AP1B1: variants seen among roughly 807,000 people sequenced by gnomAD.
The protein encoded by AP1B1 is AP-1 complex subunit beta-1.
A neutral mutation model predicts 104.3 loss-of-function variants in AP1B1; 36 were observed. That is an observed-to-expected ratio of 0.35 (90% CI 0.26 to 0.46). The LOEUF (loss-of-function observed/expected upper bound fraction) is 0.46. Among genes scored for constraint, AP1B1 ranks in the 20% least tolerant of loss-of-function variants. The pLI, the probability that AP1B1 is intolerant of heterozygous loss-of-function variation, is 1.00. For missense variants in AP1B1, 901 were observed against 1,247.9 expected (o/e 0.72, Z 4.19); for synonymous variants, 504 against 517.5 (o/e 0.97, Z 0.35).
chr22:29,345,994 T>C (rs1467975479), intron 11 of AP1B1, among the ~76,000 whole-genome samples: 1 of 152,230 alleles, frequency 6.6e-6, no homozygotes, highest in African/African-American at 2.4e-5. Context: ...CTAACAAGTA[T>C]TCTTAAAAGA....
chr22:29,377,592 T>C (rs1268754604), intron 1 of AP1B1, among the ~76,000 whole-genome samples: 5 of 151,994 alleles, frequency 3.3e-5, no homozygotes, highest in African/African-American at 1.2e-4. Context: ...TGGCAGATCA[T>C]GAGGTCAGGG....
rs775616971 is a variant in AP1B1 at position 29,354,892 on chromosome 22, C to T, written c.717-21G>A. 4.5e-5 allele frequency: 72 copies of T among 1,600,142 alleles called. No homozygotes were observed. The Admixed American group carries it at 1.0e-3, about 23-fold the overall frequency. ...AGATGCTGGGGTCCGTCCATTCCAA[C>T]GGGGCAAACAGGAAAGACAAGGGGA... On this transcript the variant is annotated intron_variant, in intron 6 of 22. Coordinates refer to ENST00000357586, the MANE Select transcript of AP1B1 (RefSeq NM_001127.4).
Position 29,340,648 on chromosome 22 carries a change from C to A in AP1B1, c.1998+8G>T. The A allele has an allele frequency of 6.5e-7, 1 of 1,537,206 alleles. No homozygotes were observed. Among genetic ancestry groups the A allele is most frequent in the Non-Finnish European group, 8.8e-7 (1 of 1,137,342 alleles). On this transcript the variant is annotated splice_region_variant and intron_variant, in intron 14 of 22. Coordinates refer to ENST00000357586, the MANE Select transcript of AP1B1 (RefSeq NM_001127.4). ...ATCAACATCATCCAGAGGGGGCCCA[C>A]AACATACCAGGCTGTCAAGGCCACC...
rs1254376664 is a variant in AP1B1, at chr22:29,329,730, G to C, written c.2767-10C>G. Reference sequence around the variant, plus strand: ...TGCTAACCTCTAAGTCCTGCACCACGGGAACCAGCAGGGAAGGTGACATGC... The same window carrying C: ...TGCTAACCTCTAAGTCCTGCACCACCGGAACCAGCAGGGAAGGTGACATGC... On this transcript the variant is annotated splice_polypyrimidine_tract_variant and intron_variant, in intron 21 of 22. Transcript: ENST00000357586. The C allele has an allele frequency of 6.2e-7, 1 of 1,613,428 alleles. No individual in the cohort carries two copies. The highest frequency in any genetic ancestry group is 8.5e-7 in the Non-Finnish European group (1 of 1,179,720).
intron 17 of AP1B1, 84 bp from the exon 18 acceptor site, chr22:29,332,000 G>A: frequency 7.2e-7 from 1 of 1,392,264 alleles, no homozygotes; most frequent in East Asian, 2.3e-5. Context: ...TCGGGAGCTG[G>A]GGCTGTGGTT....
Position 29,376,752 on chromosome 22 carries a change from C to T in AP1B1, c.-27-9482G>A, listed in dbSNP as rs151064528. 1.3e-4 allele frequency among the ~76,000 whole-genome samples: 20 copies of T among 152,294 alleles called. 2 individuals are homozygous for T. Among genetic ancestry groups the T allele is most frequent in the African/African-American group, 4.8e-4 (20 of 41,562 alleles). On this transcript the variant is annotated intron_variant, in intron 1 of 22. Transcript: ENST00000357586. ...TTCCATGTGTTTTGCTGCTTTGGTT[C>T]TGTTTCAAAGGCAGAGGTTAATTCA...
rs770832378 is a variant in AP1B1 at position 29,340,882 on chromosome 22, G to A, written c.1797-25C>T. The stretch of plus-strand genomic sequence containing the variant: ...CCTGCCGGGACACAGAAGTAGGGTG[G>A]AGGCATCAGGATGTCTCAGGAAGGT... On this transcript the variant is annotated intron_variant, in intron 13 of 22. Transcript: ENST00000357586. The A allele has an allele frequency of 7.6e-6, 12 of 1,571,604 alleles. No individual in the cohort carries two copies. The South Asian group carries it at 1.4e-4, about 18-fold the overall frequency.
At chr22:29,351,874 C>T (rs2061881057) in intron 7 of AP1B1, 49 bp from the exon 8 acceptor site, 1 of 1,603,122 alleles carries the variant, frequency 6.2e-7, no homozygotes, top group African/African-American at 1.3e-5. Flanking sequence ...GGCTTAAGCC[C>T]TGTGAGAAAA....
Position 29,356,519 on chromosome 22 carries a change from A to G in AP1B1, c.623T>C (p.Leu208Pro), listed in dbSNP as rs1442978964. The change falls in exon 6 of 23, where the codon CTG becomes CCG. Residue 208 changes from leucine (L) to proline (P), a missense_variant. This residue lies in a region of AP1B1 where 471 missense variants were observed against 696.7 expected (regional missense o/e 0.68). Coordinates refer to ENST00000357586, the MANE Select transcript of AP1B1 (RefSeq NM_001127.4). Reference sequence around the variant, plus strand: ...CTCGGTGCACTCATTGAGGGCTGTCAGCAGCTTGTTGATGGACTGTGGGTT... The same window carrying G: ...CTCGGTGCACTCATTGAGGGCTGTCGGCAGCTTGTTGATGGACTGTGGGTT... The part of the protein sequence containing the change: ...DLNPQSINKL[L>P]TALNECTEWG... 9.9e-6 allele frequency: 16 copies of G among 1,614,098 alleles called. No homozygotes were observed. Among genetic ancestry groups the G allele is most frequent in the African/African-American group, 2.7e-5 (2 of 74,934 alleles).
At chr22:29,368,916 A>G (rs1470599235) in intron 1 of AP1B1, among the ~76,000 whole-genome samples, 1 of 150,666 alleles carries the variant, frequency 6.6e-6, no homozygotes, top group Non-Finnish European at 1.5e-5. Context: ...ACAGAGCAAG[A>G]CTCTGTCTCC....
chr22:29,335,686 G>C (rs925082244), intron 16 of AP1B1, among the ~76,000 whole-genome samples: 1 of 152,118 alleles, frequency 6.6e-6, no homozygotes, highest in Admixed American at 6.6e-5. Flanking sequence ...TGGCCTCCAC[G>C]GGCCTTGGCC....
At chr22:29,343,194 G>A (rs115847760) in intron 11 of AP1B1, among the ~76,000 whole-genome samples, 2,428 of 152,334 alleles carry the variant, frequency 0.016, 54 homozygotes, top group African/African-American at 0.055. Context: ...CCTTAGTCAC[G>A]GTCTCATTTT....
chr22:29,384,660 G>C (rs1414091512), intron 1 of AP1B1, among the ~76,000 whole-genome samples: 1 of 152,042 alleles, frequency 6.6e-6, no homozygotes, highest in Admixed American at 6.6e-5. Context: ...TTGAGGTCAG[G>C]AGTTCGAGAC....
At chr22:29,340,922 C>G in intron 13 of AP1B1, 65 bp from the exon 14 acceptor site, 1 of 1,493,138 alleles carries the variant, frequency 6.7e-7, no homozygotes, top group Non-Finnish European at 9.1e-7. Flanking sequence ...GAGACCCCAG[C>G]CTCCAGGCAG....
chr22:29,331,738 G>A lies in AP1B1; in HGVS notation c.2439+49C>T, dbSNP rs200642829. The A allele has an allele frequency of 6.5e-5, 105 of 1,614,060 alleles. No individual in the cohort carries two copies. In the African/African-American group the frequency reaches 1.1e-3, roughly 16 times the overall value. Reference sequence around the variant, plus strand: ...CCTTCTACTGACCCCAGTGGGGCCCGGCTGGTAGGTGAGTAAGGACTGGGG... The same window carrying A: ...CCTTCTACTGACCCCAGTGGGGCCCAGCTGGTAGGTGAGTAAGGACTGGGG... On this transcript the variant is annotated intron_variant, in intron 18 of 22. Coordinates refer to ENST00000357586, the MANE Select transcript of AP1B1 (RefSeq NM_001127.4).
In AP1B1 at chr22:29,361,362, G is replaced by A. The variant is rs1440762314; in HGVS notation, c.144-1403C>T. 3.3e-4 allele frequency among the ~76,000 whole-genome samples: 50 copies of A among 151,996 alleles called. 1 individual carries two copies. The highest frequency in any genetic ancestry group is 1.0e-3 in the South Asian group (5 of 4,820). ...TGGGAGCTGCTCCACCTCAGCACCC[G>A]GGTTATGAGGCACAGGGCTGGGCAC... On this transcript the variant is annotated intron_variant, in intron 3 of 22. Transcript: ENST00000357586.
chr22:29,354,770 T>C lies in AP1B1; in HGVS notation c.818A>G (p.Asp273Gly). ...GAGCAGTGTGCCGTAGTAGTCCAAG[T>C]CCTTAGACAACATCTCCATGAACTT... ...LMKFMEMLSK[D>G]LDYYGTLLKK... The change falls in exon 7 of 23, where the codon GAC (aspartate) becomes GGC (glycine). Residue 273 changes from aspartate (D) to glycine (G), a missense_variant. Around this residue, in one of 3 missense-constraint regions of AP1B1, gnomAD observed 471 missense variants for 696.7 expected, o/e 0.68. Coordinates refer to ENST00000357586, the MANE Select transcript of AP1B1 (RefSeq NM_001127.4). 6.2e-7 allele frequency: 1 copy of C among 1,613,888 alleles called. No individual in the cohort carries two copies. The highest frequency in any genetic ancestry group is 8.5e-7 in the Non-Finnish European group (1 of 1,179,988).
At chr22:29,356,778 C>G (rs895306341) in intron 5 of AP1B1, among the ~76,000 whole-genome samples, 162 bp from the exon 6 acceptor site, 3 of 152,204 alleles carry the variant, frequency 2.0e-5, no homozygotes, top group Non-Finnish European at 4.4e-5. Context: ...AAGCACTCAC[C>G]CTGCTGACTC....
At chr22:29,365,070 C>T (rs2062111979) in intron 2 of AP1B1, among the ~76,000 whole-genome samples, 1 of 152,172 alleles carries the variant, frequency 6.6e-6, no homozygotes, top group Non-Finnish European at 1.5e-5. Context: ...TTTCTTATTT[C>T]ATCCTCACAA....
Sources: allele counts gnomAD v4.1 joint callset (sites outside exome capture counted in the v4.1 genomes callset), GRCh38; gene constraint gnomAD v4.1.1; regional missense constraint gnomAD v4.1.1; transcripts MANE v1.5; gene names NCBI Gene and HGNC (gene_info 2026-07-23, HGNC 2026-07-21).